NCAM2: variants seen among roughly 807,000 people sequenced by gnomAD.
The protein encoded by NCAM2 is neural cell adhesion molecule 2.
NCAM2 carries 30 observed loss-of-function variants against 98.1 expected under a neutral mutation model. The observed-to-expected ratio is 0.31, with a 90% confidence interval of 0.23 to 0.41. The LOEUF is 0.41. Ranked by LOEUF, NCAM2 falls within the 10% of genes least tolerant of loss-of-function variation. NCAM2 has a pLI of 1.00. For missense variants in NCAM2, 867 were observed against 1,005.8 expected (o/e 0.86, Z 1.87); for synonymous variants, 368 against 342.4 (o/e 1.07, Z -0.83).
intron 8 of NCAM2, among the ~76,000 whole-genome samples, chr21:21,369,960 G>T (rs922049296): frequency 1.3e-5 from 2 of 151,462 alleles, no homozygotes; most frequent in South Asian, 2.1e-4. Flanking sequence ...TACAACTCAT[G>T]CAACTGCACA....
chr21:21,081,810 G>GA lies in NCAM2; in HGVS notation c.55+83201dup, dbSNP rs998707986. Among the ~76,000 whole-genome samples, 91 of 145,448 alleles carry GA rather than the reference G, an allele frequency of 6.3e-4. 1 individual carries two copies. In the East Asian group the frequency reaches 8.9e-3, roughly 14 times the overall value. ...AATGAGACTCCCTCTCAAAGAAAAA[G>GA]AAAAAAAAAGAAAAAAAAATTATCT... On this transcript the variant is annotated intron_variant, in intron 1 of 17. Transcript: ENST00000400546.
rs574511167 is a variant in NCAM2 at position 21,404,306 on chromosome 21, C to T, written c.1196-5968C>T. On this transcript the variant is annotated intron_variant, in intron 9 of 17. Coordinates refer to ENST00000400546, the MANE Select transcript of NCAM2 (RefSeq NM_004540.5). Reference sequence around the variant, plus strand: ...TTTGGCTGTGTCCCCACCCAAATCTCATCTTGAATTGTAGCTCCCATAATT... The same window carrying T: ...TTTGGCTGTGTCCCCACCCAAATCTTATCTTGAATTGTAGCTCCCATAATT... 1.8e-4 allele frequency among the ~76,000 whole-genome samples: 28 copies of T among 152,210 alleles called. No homozygotes were observed. In the East Asian group the frequency reaches 5.4e-3, roughly 29 times the overall value.
chr21:21,100,708 G>A (rs914700047), intron 1 of NCAM2, among the ~76,000 whole-genome samples: 14 of 151,912 alleles, frequency 9.2e-5, no homozygotes, highest in Non-Finnish European at 1.3e-4. Context: ...CTTTCATTGT[G>A]CTTAAACTGC....
chr21:21,238,114 C>T (rs915811858), intron 1 of NCAM2, among the ~76,000 whole-genome samples: 2 of 151,850 alleles, frequency 1.3e-5, no homozygotes, highest in Non-Finnish European at 2.9e-5. Context: ...TGCCACCACG[C>T]CCGGCCAATT....
chr21:21,335,424 C>A, intron 6 of NCAM2, 81 bp from the exon 7 acceptor site: 5 of 1,146,984 alleles, frequency 4.4e-6, no homozygotes, highest in Middle Eastern at 2.2e-4. Context: ...GTCATCAATG[C>A]CTATAGATTA....
chr21:21,188,728 A>G lies in NCAM2; in HGVS notation c.56-91850A>G, dbSNP rs140384067. 5.3e-5 allele frequency among the ~76,000 whole-genome samples: 8 copies of G among 152,334 alleles called. No homozygotes were observed. The East Asian group carries it at 1.5e-3, about 29-fold the overall frequency. ...TAATGCCAGTGAATTGCAGGGAAGG[A>G]TAGAGCTAATTACATCATATGCATC... On this transcript the variant is annotated intron_variant, in intron 1 of 17. Coordinates refer to ENST00000400546, the MANE Select transcript of NCAM2 (RefSeq NM_004540.5).
intron 1 of NCAM2, among the ~76,000 whole-genome samples, chr21:21,257,958 A>C (rs1183634903): frequency 6.6e-6 from 1 of 152,300 alleles, no homozygotes; most frequent in Admixed American, 6.5e-5. Flanking sequence ...GTAGGCTTGC[A>C]GTTATTGGGG....
intron 12 of NCAM2, among the ~76,000 whole-genome samples, chr21:21,444,573 G>A (rs1979807898): frequency 6.6e-6 from 1 of 152,120 alleles, no homozygotes; most frequent in Non-Finnish European, 1.5e-5. Context: ...GAGGGTGTAT[G>A]TGTCCAGGAA....
At chr21:21,096,491 A>G (rs1480001637) in intron 1 of NCAM2, among the ~76,000 whole-genome samples, 1 of 151,792 alleles carries the variant, frequency 6.6e-6, no homozygotes, top group African/African-American at 2.4e-5. Context: ...GATAAAAAAC[A>G]AATATGTATT....
intron 1 of NCAM2, among the ~76,000 whole-genome samples, chr21:21,001,906 C>T (rs1178702028): frequency 6.6e-6 from 1 of 152,076 alleles, no homozygotes; most frequent in African/African-American, 2.4e-5. Flanking sequence ...AGCAATGTAC[C>T]TTCTAAAAAT....
intron 6 of NCAM2, among the ~76,000 whole-genome samples, chr21:21,328,890 G>A (rs1463970464): frequency 6.6e-6 from 1 of 151,166 alleles, no homozygotes; most frequent in Non-Finnish European, 1.5e-5. Context: ...TCACCCAGAA[G>A]AACTTCTAGT....
intron 1 of NCAM2, among the ~76,000 whole-genome samples, chr21:21,116,478 C>T (rs936921287): frequency 3.3e-5 from 5 of 152,120 alleles, no homozygotes; most frequent in Non-Finnish European, 5.9e-5. Context: ...ATAGGACGGC[C>T]TGTTTAGTTT....
At chr21:21,106,476 TA>T (rs1192115765) in intron 1 of NCAM2, among the ~76,000 whole-genome samples, 3 of 152,042 alleles carry the variant, frequency 2.0e-5, no homozygotes, top group South Asian at 2.1e-4. Flanking sequence ...ATGTAAAATA[TA>T]AAAAAGCTAA....
At chr21:21,008,099 G>T (rs1344770440) in intron 1 of NCAM2, among the ~76,000 whole-genome samples, 1 of 152,078 alleles carries the variant, frequency 6.6e-6, no homozygotes, top group East Asian at 1.9e-4. Context: ...AACAGATTAT[G>T]TGAAGATTAA....
intron 1 of NCAM2, among the ~76,000 whole-genome samples, chr21:21,120,729 T>C (rs554501667): frequency 1.3e-5 from 2 of 150,982 alleles, no homozygotes; most frequent in African/African-American, 2.4e-5. Context: ...GTTTTTTTTT[T>C]TTTTCTTTGA....
intron 5 of NCAM2, among the ~76,000 whole-genome samples, chr21:21,293,032 G>A (rs1041911290): frequency 9.9e-5 from 15 of 151,804 alleles, no homozygotes; most frequent in Admixed American, 4.6e-4. Context: ...GAACTCCCTC[G>A]CTGTCACAAG....
chr21:21,280,115 G>A (rs367683053), intron 1 of NCAM2, among the ~76,000 whole-genome samples: 6 of 152,094 alleles, frequency 3.9e-5, no homozygotes, highest in African/African-American at 1.4e-4. Context: ...TCTTTCCTTT[G>A]TATGCCTGCC....
intron 1 of NCAM2, among the ~76,000 whole-genome samples, chr21:21,230,592 G>A (rs528424953): frequency 1.3e-5 from 2 of 151,060 alleles, no homozygotes; most frequent in Non-Finnish European, 3.0e-5. Context: ...ATCTCATCAC[G>A]ATGAAAAATA....
chr21:21,203,670 T>C (rs1013959675), intron 1 of NCAM2, among the ~76,000 whole-genome samples: 38 of 152,290 alleles, frequency 2.5e-4, no homozygotes, highest in African/African-American at 8.2e-4. Flanking sequence ...ATAACAACTT[T>C]AGGAGATGCT....
Sources: allele counts gnomAD v4.1 joint callset (sites outside exome capture counted in the v4.1 genomes callset), GRCh38; gene constraint gnomAD v4.1.1; transcripts MANE v1.5; gene names NCBI Gene and HGNC (gene_info 2026-07-23, HGNC 2026-07-21).